The following COL4A1 variants were observed in gnomAD, a reference collection of about 807,000 sequenced individuals.
The protein encoded by COL4A1 is collagen type IV alpha 1 chain, also known as collagen alpha-1(IV) chain.
COL4A1 carries 40 observed loss-of-function variants against 216.6 expected under a neutral mutation model. That is an observed-to-expected ratio of 0.18 (90% CI 0.14 to 0.24). COL4A1 has a LOEUF of 0.24. Among genes scored for constraint, COL4A1 ranks in the 10% least tolerant of loss-of-function variants. The probability of loss-of-function intolerance (pLI) is 1.00; values close to 1 mark genes in which losing one functional copy is unlikely to be tolerated. For synonymous variants in COL4A1, 839 were observed against 810.7 expected, an observed-to-expected ratio of 1.03 and a Z score of -0.59; for missense variants, 1,628 against 2,196.8, an observed-to-expected ratio of 0.74 and a Z score of 5.18.
chr13:110,175,735 G>A (rs188106062), intron 36 of COL4A1, among the ~76,000 whole-genome samples: 12 of 152,346 alleles, frequency 7.9e-5, no homozygotes, highest in South Asian at 6.2e-4. Flanking sequence ...ACTATGAGGC[G>A]GGCAGGCCGG....
intron 1 of COL4A1, among the ~76,000 whole-genome samples, chr13:110,303,324 A>G (rs1259207250): frequency 6.6e-6 from 1 of 151,790 alleles, no homozygotes; most frequent in African/African-American, 2.4e-5. Context: ...GAGAAAAGGG[A>G]CAGGACCACA....
chr13:110,216,292 A>T (rs1880082711), intron 2 of COL4A1, among the ~76,000 whole-genome samples: 1 of 152,212 alleles, frequency 6.6e-6, no homozygotes, highest in African/African-American at 2.4e-5. Flanking sequence ...TGGCCCCAGG[A>T]CACAATGGCA....
intron 26 of COL4A1, among the ~76,000 whole-genome samples, chr13:110,185,786 G>C (rs1878374868): frequency 6.6e-6 from 1 of 152,310 alleles, no homozygotes; most frequent in Admixed American, 6.5e-5. Flanking sequence ...ACTCATCCCT[G>C]CTACAGGTTC....
At chr13:110,210,986 C>CCA (rs145531794) in intron 8 of COL4A1, among the ~76,000 whole-genome samples, 2 of 152,044 alleles carry the variant, frequency 1.3e-5, no homozygotes, top group African/African-American at 4.8e-5. Flanking sequence ...CTCTCTCTGG[C>CCA]CACACACACA....
intron 51 of COL4A1, among the ~76,000 whole-genome samples, chr13:110,151,689 G>A (rs1368486710): frequency 6.6e-6 from 1 of 152,196 alleles, no homozygotes; most frequent in Non-Finnish European, 1.5e-5. Context: ...TCCTGCATTG[G>A]CTCCAGCGGG....
In COL4A1 at chr13:110,207,014, G is replaced by A. The variant is rs971842493; in HGVS notation, c.781-123C>T. 9.9e-7 allele frequency: 1 copy of A among 1,013,788 alleles called. No individual in the cohort carries two copies. The allele number at this position is 1,013,788 out of a possible 1,614,324, so 62.8% of individuals were successfully genotyped here. ...CTGATATATTAACAAAGAAATTCAT[G>A]TTGATCTCCAGCACTCACTTGACAT... is the stretch of plus-strand genomic sequence containing the variant. On this transcript the variant is annotated intron_variant, in intron 13 of 51. Coordinates refer to ENST00000375820, the MANE Select transcript of COL4A1 (RefSeq NM_001845.6). This position sits in a 1 kb window ranked among gnomAD's most constrained non-coding sequence, Gnocchi z 4.4.
intron 21 of COL4A1, among the ~76,000 whole-genome samples, chr13:110,196,913 C>A (rs1284882011): frequency 6.6e-6 from 1 of 152,270 alleles, no homozygotes; most frequent in Middle Eastern, 3.4e-3. Context: ...GTACAAATCT[C>A]ATTTCTAAAT....
chr13:110,261,833 T>C (rs1882840726), intron 1 of COL4A1, among the ~76,000 whole-genome samples: 2 of 152,192 alleles, frequency 1.3e-5, no homozygotes, highest in African/African-American at 4.8e-5. Context: ...CTGCCACTTG[T>C]TCATTCAGAG....
At chr13:110,257,108 GCA>G (rs1429509110) in intron 1 of COL4A1, among the ~76,000 whole-genome samples, 4 of 152,180 alleles carry the variant, frequency 2.6e-5, no homozygotes, top group Admixed American at 6.5e-5. Context: ...AAATGCTGCT[GCA>G]CAGTTCCCAA....
intron 1 of COL4A1, among the ~76,000 whole-genome samples, chr13:110,280,396 T>G: frequency 6.6e-6 from 1 of 152,192 alleles, no homozygotes; most frequent in East Asian, 1.9e-4. Flanking sequence ...CCTCAAAATC[T>G]TAAAATAAAA....
chr13:110,301,701 G>T (rs572214355), intron 1 of COL4A1, among the ~76,000 whole-genome samples: 1 of 152,322 alleles, frequency 6.6e-6, no homozygotes, highest in Admixed American at 6.5e-5. Flanking sequence ...CGTGCTAGCC[G>T]AGGGAAGACG....
At chr13:110,250,370 C>T (rs1006000455) in intron 1 of COL4A1, among the ~76,000 whole-genome samples, 4 of 152,166 alleles carry the variant, frequency 2.6e-5, no homozygotes, top group African/African-American at 9.7e-5. Flanking sequence ...TCCCAAGAAA[C>T]CACACGCCTT....
intron 48 of COL4A1, 75 bp downstream of exon 48, chr13:110,162,155 C>T (rs887116296): frequency 1.4e-5 from 19 of 1,325,932 alleles, no homozygotes; most frequent in South Asian, 4.7e-5. Flanking sequence ...GCAGCAGAGG[C>T]GAGTCCAGCA....
intron 2 of COL4A1, among the ~76,000 whole-genome samples, chr13:110,220,066 T>TA (rs1880399707): frequency 7.0e-6 from 1 of 143,566 alleles, no homozygotes; most frequent in Admixed American, 7.2e-5. Flanking sequence ...GCCTCCGCAG[T>TA]AGCTGGGATT....
chr13:110,175,060 G>A (rs1877818668), intron 37 of COL4A1, among the ~76,000 whole-genome samples, 158 bp downstream of exon 37: 1 of 152,192 alleles, frequency 6.6e-6, no homozygotes, highest in Non-Finnish European at 1.5e-5. Context: ...GGGAGAGGTA[G>A]TGAATACAAG....
intron 27 of COL4A1, 31 bp downstream of exon 27, chr13:110,183,153 G>C (rs1324270381): frequency 6.2e-7 from 1 of 1,612,994 alleles, no homozygotes; most frequent in East Asian, 2.2e-5. Flanking sequence ...AACTCTCGTG[G>C]TATCCCGGTG....
intron 4 of COL4A1, 92 bp from the exon 5 acceptor site, chr13:110,212,710 C>T (rs1879873746): frequency 1.4e-6 from 2 of 1,463,416 alleles, no homozygotes. Flanking sequence ...GTCATGCCCT[C>T]ATTTTTGGTG....
rs767374916 is a variant in COL4A1 at position 110,186,493 on chromosome 13, G to T, written c.1789C>A (p.Arg597Ser). The change falls in exon 26 of 52, where the codon CGT becomes AGT. Residue 597 changes from arginine (R) to serine (S), a missense_variant. Physicochemically the swap from Arg to Ser is moderately radical, Grantham distance 110 (BLOSUM62 -1). This residue lies in a region of COL4A1 where 701 missense variants were observed against 892.5 expected (regional missense o/e 0.79). Transcript: ENST00000375820. ...PPGGVGFPGSRGDTGPPGPPG... is the reference protein window; with the variant it reads ...PPGGVGFPGSSGDTGPPGPPG... ...GGCCCAGGGGGGCCGGTGTCACCAC[G>T]ACTGCCTGGGAATCCAACTCCTCCA... is the stretch of plus-strand genomic sequence containing the variant. 1.2e-6 allele frequency: 2 copies of T among 1,613,746 alleles called. No homozygotes were observed. The highest frequency in any genetic ancestry group is 2.2e-5 in the South Asian group (2 of 91,056).
intron 1 of COL4A1, chr13:110,265,569 A>G (rs576713936): frequency 6.6e-6 from 1 of 152,334 alleles, no homozygotes; most frequent in South Asian, 2.1e-4. Flanking sequence ...TTCTGGTGAC[A>G]AGGACACAGC....
Sources: gnomAD v4.1 joint callset for allele counts (sites outside exome capture counted in the v4.1 genomes callset) on GRCh38, gnomAD v4.1.1 for gene constraint, gnomAD v4.1.1 regional missense constraint, Gnocchi (gnomAD v3.1) non-coding constraint, MANE v1.5 for transcripts, NCBI Gene and HGNC (gene_info 2026-07-23, HGNC 2026-07-21) for gene names.